SH3RF1: variants seen among roughly 807,000 people sequenced by gnomAD.
The protein encoded by SH3RF1 is E3 ubiquitin-protein ligase SH3RF1.
Under a neutral mutation model 74.0 loss-of-function variants are expected in SH3RF1, and 32 were observed. That is an observed-to-expected ratio of 0.43 (90% CI 0.33 to 0.58). The LOEUF is 0.58. Among genes scored for constraint, SH3RF1 ranks in the 20% least tolerant of loss-of-function variants. The pLI, the probability that SH3RF1 is intolerant of heterozygous loss-of-function variation, is 0.05. For missense variants in SH3RF1, 954 were observed against 1,130.9 expected, an observed-to-expected ratio of 0.84 and a Z score of 2.24; for synonymous variants, 396 against 439.6, an observed-to-expected ratio of 0.90 and a Z score of 1.24.
At chr4:169,127,795 T>C (rs1006780983) in intron 6 of SH3RF1, among the ~76,000 whole-genome samples, 5 of 152,230 alleles carry the variant, frequency 3.3e-5, no homozygotes, top group South Asian at 2.1e-4. Flanking sequence ...ATTTACTACA[T>C]TGTATAATTT....
At chr4:169,238,971 C>T (rs879841867) in intron 2 of SH3RF1, among the ~76,000 whole-genome samples, 542 of 151,818 alleles carry the variant, frequency 3.6e-3, no homozygotes, top group Non-Finnish European at 5.2e-3. Flanking sequence ...TCCGCCCCCC[C>T]CCACCCCTTG....
chr4:169,197,294 G>A (rs1024214033), intron 2 of SH3RF1, among the ~76,000 whole-genome samples: 1 of 151,964 alleles, frequency 6.6e-6, no homozygotes, highest in South Asian at 2.1e-4. Flanking sequence ...GAGGCACCAC[G>A]CCCAGCCAAT....
In SH3RF1 at chr4:169,182,292, G is replaced by GA. The variant is rs544018320; in HGVS notation, c.394-25614dup. On this transcript the variant is annotated intron_variant, in intron 2 of 11. Coordinates refer to ENST00000284637, the MANE Select transcript of SH3RF1 (RefSeq NM_020870.4). ...CTAAAAATAGCTGACTTTTATATGCGAATCAGGTAAAATACACTCACAAAG... is the reference window on the plus strand; with the variant it reads ...CTAAAAATAGCTGACTTTTATATGCGAAATCAGGTAAAATACACTCACAAAG... Among the ~76,000 whole-genome samples the GA allele has an allele frequency of 6.7e-4, 102 of 152,218 alleles. 1 individual carries two copies. In the East Asian group the frequency reaches 0.02, roughly 29 times the overall value.
intron 6 of SH3RF1, among the ~76,000 whole-genome samples, chr4:169,126,674 C>T (rs1733530093): frequency 6.6e-6 from 1 of 152,104 alleles, no homozygotes; most frequent in African/African-American, 2.4e-5. Flanking sequence ...GTCTCAACCT[C>T]CTGGGCTCAA....
chr4:169,200,474 A>G (rs1734891078), intron 2 of SH3RF1, among the ~76,000 whole-genome samples: 1 of 152,178 alleles, frequency 6.6e-6, no homozygotes. Flanking sequence ...AGTCAAAGTA[A>G]ACACTAGAAA....
intron 4 of SH3RF1, among the ~76,000 whole-genome samples, chr4:169,141,881 C>T (rs1359043151): frequency 2.7e-5 from 4 of 146,176 alleles, no homozygotes; most frequent in South Asian, 2.1e-4. Flanking sequence ...GGCGTGATGT[C>T]GGCTCACTGC....
chr4:169,129,007 A>G (rs1733569363), intron 6 of SH3RF1, among the ~76,000 whole-genome samples: 1 of 152,154 alleles, frequency 6.6e-6, no homozygotes, highest in South Asian at 2.1e-4. Flanking sequence ...AAAGAGGCAG[A>G]GTACCTTTTC....
chr4:169,247,432 G>A (rs920436587), intron 2 of SH3RF1, among the ~76,000 whole-genome samples: 1 of 152,194 alleles, frequency 6.6e-6, no homozygotes, highest in Non-Finnish European at 1.5e-5. Flanking sequence ...AAGCCACAGA[G>A]CTGCAGGCAG....
At chr4:169,188,511 A>G (rs983461330) in intron 2 of SH3RF1, among the ~76,000 whole-genome samples, 2 of 152,206 alleles carry the variant, frequency 1.3e-5, no homozygotes, top group African/African-American at 4.8e-5. Flanking sequence ...CTCTAATACT[A>G]TAACCATTAA....
At chr4:169,206,560 C>A (rs1730267713) in intron 2 of SH3RF1, among the ~76,000 whole-genome samples, 1 of 152,154 alleles carries the variant, frequency 6.6e-6, no homozygotes. Flanking sequence ...TCAAGGGATT[C>A]ACTTTAAATA....
chr4:169,182,894 G>C (rs7661508), intron 2 of SH3RF1, among the ~76,000 whole-genome samples: 4,850 of 152,166 alleles, frequency 0.032, 256 homozygotes, highest in African/African-American at 0.11. Context: ...AGTAGTTTTA[G>C]TTTTGCCAAA....
At chr4:169,104,959 G>C (rs932575668) in intron 11 of SH3RF1, among the ~76,000 whole-genome samples, 5 of 151,206 alleles carry the variant, frequency 3.3e-5, no homozygotes, top group Non-Finnish European at 5.9e-5. Flanking sequence ...AAGTAGGTTT[G>C]AAATTTATTC....
rs1295707075 is a variant in SH3RF1 at position 169,130,063 on chromosome 4, A to G, written c.1162T>C (p.Tyr388His). Residue 388 changes from tyrosine (Y) to histidine (H), a missense_variant, in exon 6 of 12, where the codon TAC (tyrosine) becomes CAC (histidine). Coordinates refer to ENST00000284637, the MANE Select transcript of SH3RF1 (RefSeq NM_020870.4). ...PSFTFPSDVPYQAALGTLNPP... is the reference protein window; with the variant it reads ...PSFTFPSDVPHQAALGTLNPP... Reference sequence around the variant, plus strand: ...ATACTCACTCCAAGGGCAGCTTGGTAGGGAACATCTGATGGGAAAGTAAAC... The same window carrying G: ...ATACTCACTCCAAGGGCAGCTTGGTGGGGAACATCTGATGGGAAAGTAAAC... The G allele has an allele frequency of 6.2e-7, 1 of 1,613,670 alleles. No homozygotes were observed. Among genetic ancestry groups the G allele is most frequent in the Non-Finnish European group, 8.5e-7 (1 of 1,179,820 alleles).
At chr4:169,116,184 A>G in intron 10 of SH3RF1, 85 bp downstream of exon 10, 1 of 1,523,924 alleles carries the variant, frequency 6.6e-7, no homozygotes, top group South Asian at 1.3e-5. Flanking sequence ...GAGTCCTCTC[A>G]TTAGCTAAAA....
At chr4:169,211,020 C>T (rs901994861) in intron 2 of SH3RF1, among the ~76,000 whole-genome samples, 1 of 152,146 alleles carries the variant, frequency 6.6e-6, no homozygotes, top group Non-Finnish European at 1.5e-5. Flanking sequence ...AGCTTTAATG[C>T]TCTCAAAAAA....
Position 169,136,428 on chromosome 4 carries a change from T to G in SH3RF1, c.958A>C (p.Asn320His). The G allele has an allele frequency of 6.2e-7, 1 of 1,608,046 alleles. No individual in the cohort carries two copies. The highest frequency in any genetic ancestry group is 1.7e-5 in the Admixed American group (1 of 59,634). ...MANKSSQASQ[N>H]RHSMEISPPV... is the part of the protein sequence containing the mutation. Reference sequence around the variant, plus strand: ...GGGCTGATCTCCATGGAGTGGCGGTTCTGGGATGCCTGGGAGGACTTGTTG... The same window carrying G: ...GGGCTGATCTCCATGGAGTGGCGGTGCTGGGATGCCTGGGAGGACTTGTTG... The change falls in exon 5 of 12, where the codon AAC becomes CAC. Residue 320 changes from asparagine (N) to histidine (H), a missense_variant. Physicochemically the swap from Asn to His is moderately conservative, Grantham distance 68. This residue lies in a region of SH3RF1 where 854 missense variants were observed against 962.5 expected (regional missense o/e 0.89). Coordinates refer to ENST00000284637, the MANE Select transcript of SH3RF1 (RefSeq NM_020870.4).
chr4:169,270,853 C>T lies in SH3RF1; in HGVS notation c.-96+6G>A, dbSNP rs986411896. Reference sequence around the variant, plus strand: ...CCGTCGACCCCGCGCCGGCCGCGCGCCCTACCTCGCGCCTCGGCTCCTCCT... The same window carrying T: ...CCGTCGACCCCGCGCCGGCCGCGCGTCCTACCTCGCGCCTCGGCTCCTCCT... On this transcript the variant is annotated splice_donor_region_variant and intron_variant, in intron 1 of 11. Coordinates refer to ENST00000284637, the MANE Select transcript of SH3RF1 (RefSeq NM_020870.4). 4 of 152,098 alleles carry T rather than the reference C, an allele frequency of 2.6e-5. No individual in the cohort carries two copies. Among genetic ancestry groups the T allele is most frequent in the Admixed American group, 2.6e-4 (4 of 15,286 alleles). 9.4% of individuals were successfully genotyped at this position (152,098 alleles called of 1,614,324 possible).
In SH3RF1 at chr4:169,116,323, A is replaced by C; in HGVS notation, c.2085T>G (p.Ser695Arg). The change falls in exon 10 of 12, where the codon AGT (serine) becomes AGG (arginine). Residue 695 changes from serine (S) to arginine (R), a missense_variant. By Grantham distance (110) the Ser-to-Arg change is moderately radical. Coordinates refer to ENST00000284637, the MANE Select transcript of SH3RF1 (RefSeq NM_020870.4). The part of the protein sequence containing the change: ...VLPGLPTSPD[S>R]ASSACGNSSA... ...AACTGTTCCCACAAGCTGATGAAGC[A>C]CTGTCAGGAGATGTGGGGAGTCCAG... 1 of 1,614,036 alleles carries C rather than the reference A, an allele frequency of 6.2e-7. No individual in the cohort carries two copies. The highest frequency in any genetic ancestry group is 8.5e-7 in the Non-Finnish European group (1 of 1,179,940).
At chr4:169,258,866 C>T (rs1731230711) in intron 2 of SH3RF1, among the ~76,000 whole-genome samples, 1 of 152,146 alleles carries the variant, frequency 6.6e-6, no homozygotes, top group South Asian at 2.1e-4. Context: ...TTTAGCTCTA[C>T]AAGAATTGAA....
Sources: gnomAD v4.1 joint callset for allele counts (sites outside exome capture counted in the v4.1 genomes callset) on GRCh38, gnomAD v4.1.1 for gene constraint, gnomAD v4.1.1 regional missense constraint, MANE v1.5 for transcripts, NCBI Gene and HGNC (gene_info 2026-07-23, HGNC 2026-07-21) for gene names.